Variants in TMPRSS12 observed in about 807,000 individuals in gnomAD.
TMPRSS12 encodes the protein transmembrane protease serine 12.
In TMPRSS12, 25 loss-of-function variants were observed where a neutral mutation model predicts 26.0. The ratio of observed to expected loss-of-function variants is 0.96; its 90% confidence interval spans 0.70 to 1.34. The LOEUF (loss-of-function observed/expected upper bound fraction) is 1.34, where lower values mean the gene tolerates loss of function less well. Among genes scored for constraint, TMPRSS12 ranks in the 40% most tolerant of loss-of-function variants. The pLI is 0.00. For missense variants in TMPRSS12, 441 were observed against 440.1 expected (o/e 1.00, Z -0.02); for synonymous variants, 150 against 161.7 (o/e 0.93, Z 0.55).
At chr12:50,884,554 C>T (rs546166163) in intron 3 of TMPRSS12, among the ~76,000 whole-genome samples, 27 of 152,196 alleles carry the variant, frequency 1.8e-4, no homozygotes, top group Middle Eastern at 3.4e-3. Context: ...TTGAAACCCT[C>T]GTACTTTGCT....
chr12:50,885,672 A>C, intron 4 of TMPRSS12: 1 of 581,320 alleles, frequency 1.7e-6, no homozygotes, highest in South Asian at 2.2e-5. Context: ...TTTTTTTTTT[A>C]TTTGAGATAG....
chr12:50,852,470 G>A (rs1937834979), intron 2 of TMPRSS12, among the ~76,000 whole-genome samples: 1 of 152,158 alleles, frequency 6.6e-6, no homozygotes. Flanking sequence ...GAGTGCAGTG[G>A]CACAATCTTG....
At chr12:50,876,457 G>A (rs150012998) in intron 3 of TMPRSS12, among the ~76,000 whole-genome samples, 19 of 152,210 alleles carry the variant, frequency 1.2e-4, no homozygotes, top group African/African-American at 1.2e-4. Flanking sequence ...TATGTTCATC[G>A]CAGCACTGTT....
intron 2 of TMPRSS12, among the ~76,000 whole-genome samples, chr12:50,858,174 A>G (rs1022957714): frequency 6.6e-6 from 1 of 152,140 alleles, no homozygotes; most frequent in Non-Finnish European, 1.5e-5. Context: ...ATGCTAAGTT[A>G]ATATCCAAAT....
chr12:50,866,303 G>A (rs1937990454), intron 3 of TMPRSS12, among the ~76,000 whole-genome samples: 2 of 152,174 alleles, frequency 1.3e-5, no homozygotes, highest in African/African-American at 4.8e-5. Flanking sequence ...GGCATGGTGG[G>A]AGTGAGACTG....
intron 4 of TMPRSS12, 124 bp downstream of exon 4, chr12:50,885,512 C>T (rs777559381): frequency 4.2e-6 from 5 of 1,200,412 alleles, no homozygotes; most frequent in Non-Finnish European, 6.1e-6. Context: ...ATCATTTTTT[C>T]TCCTTTTTAA....
chr12:50,854,027 G>C (rs980753548), intron 2 of TMPRSS12, among the ~76,000 whole-genome samples: 5 of 151,978 alleles, frequency 3.3e-5, no homozygotes, highest in Admixed American at 2.0e-4. Flanking sequence ...CAATCTAAAA[G>C]AAAATTTCAG....
intron 3 of TMPRSS12, among the ~76,000 whole-genome samples, chr12:50,872,771 G>GTATATAGACGTC (rs1938070331): frequency 5.4e-5 from 3 of 55,746 alleles, no homozygotes; most frequent in Admixed American, 1.6e-4. Context: ...TATATATGAC[G>GTATATAGACGTC]TATATATGTA....
At chr12:50,866,848 G>A (rs895900897) in intron 3 of TMPRSS12, among the ~76,000 whole-genome samples, 2 of 152,192 alleles carry the variant, frequency 1.3e-5, no homozygotes. Context: ...GAGCCTGGTA[G>A]ACTTGCTGGG....
chr12:50,863,448 T>C (rs1937957713), intron 3 of TMPRSS12, among the ~76,000 whole-genome samples: 1 of 152,116 alleles, frequency 6.6e-6, no homozygotes. Context: ...GAAATACAAA[T>C]GTCCACACAC....
Position 50,843,003 on chromosome 12 carries a change from G to C in TMPRSS12, c.39G>C (p.Val13=), listed in dbSNP as rs753888568. The C allele has an allele frequency of 1.2e-6, 2 of 1,604,474 alleles. No homozygotes were observed. Among genetic ancestry groups the C allele is most frequent in the African/African-American group, 2.7e-5 (2 of 74,684 alleles). ...LGLLSVALLF[V]GSSHLYSDHY... is the part of the protein sequence containing the mutation. ...TCCTGAGCGTGGCGCTGTTGTTTGT[G>C]GGGAGCTCTCACTTATACTCAGACC... The change falls in exon 1 of 5, where the codon GTG becomes GTC. Residue 13 remains valine (V), a synonymous_variant. Coordinates refer to ENST00000398458, the MANE Select transcript of TMPRSS12 (RefSeq NM_182559.3).
intron 3 of TMPRSS12, among the ~76,000 whole-genome samples, chr12:50,884,013 T>G (rs553776841): frequency 6.6e-6 from 1 of 152,200 alleles, no homozygotes; most frequent in East Asian, 1.9e-4. Flanking sequence ...AAAATAATAA[T>G]ATAAATAAAT....
chr12:50,885,161 T>C, intron 3 of TMPRSS12, 85 bp from the exon 4 acceptor site: 5 of 1,273,512 alleles, frequency 3.9e-6, no homozygotes, highest in East Asian at 2.4e-5. Flanking sequence ...TCAGTCACTT[T>C]GGAAAGAAAA....
At chr12:50,852,450 G>A (rs1221513452) in intron 2 of TMPRSS12, among the ~76,000 whole-genome samples, 5 of 152,184 alleles carry the variant, frequency 3.3e-5, no homozygotes, top group East Asian at 1.9e-4. Context: ...TTTCTCTGTC[G>A]CCCAGGCTGG....
chr12:50,850,776 C>T lies in TMPRSS12; in HGVS notation c.383+6739C>T, dbSNP rs140498851. On this transcript the variant is annotated intron_variant, in intron 2 of 4. Coordinates refer to ENST00000398458, the MANE Select transcript of TMPRSS12 (RefSeq NM_182559.3). Reference sequence around the variant, plus strand: ...ATGAACCCTGCTGCCACTGCCCGGACAAAGTGCTTTTGCCAGCATCCCTCA... The same window carrying T: ...ATGAACCCTGCTGCCACTGCCCGGATAAAGTGCTTTTGCCAGCATCCCTCA... Among the ~76,000 whole-genome samples, 446 of 152,272 alleles carry T rather than the reference C, an allele frequency of 2.9e-3. 3 individuals carry two copies. Among genetic ancestry groups the T allele is most frequent in the African/African-American group, 0.01 (418 of 41,554 alleles).
intron 3 of TMPRSS12, among the ~76,000 whole-genome samples, chr12:50,882,286 TAAAAAAAAAAAAAA>T (rs59323134): frequency 3.4e-5 from 2 of 58,506 alleles, no homozygotes; most frequent in South Asian, 8.4e-4. Flanking sequence ...CCCATCTCTC[TAAAAAAAAAAAAAA>T]AAAAAAAAAA....
intron 3 of TMPRSS12, among the ~76,000 whole-genome samples, chr12:50,878,316 C>A (rs940377383): frequency 6.6e-6 from 1 of 152,046 alleles, no homozygotes; most frequent in African/African-American, 2.4e-5. Context: ...AGTGGTGGCT[C>A]ATGCCTGTAA....
In TMPRSS12 at chr12:50,885,250, C is replaced by T. The variant is rs372309874; in HGVS notation, c.657C>T (p.Asn219=). The part of the protein sequence containing the change: ...SGWGRTKEEG[N]ATNILQDAEV... ...ACTGGTATTTTTTGTTAACAGGTAA[C>T]GCTACAAATATTTTACAAGATGCAG... The change falls in exon 4 of 5, where the codon AAC becomes AAT. Residue 219 remains asparagine (N), a synonymous_variant. Coordinates refer to ENST00000398458, the MANE Select transcript of TMPRSS12 (RefSeq NM_182559.3). 9.1e-5 allele frequency: 145 copies of T among 1,589,592 alleles called. 1 individual carries two copies. The highest frequency in any genetic ancestry group is 5.6e-4 in the South Asian group (49 of 86,746).
At chr12:50,861,477 C>T (rs1039155975) in intron 3 of TMPRSS12, among the ~76,000 whole-genome samples, 1 of 149,360 alleles carries the variant, frequency 6.7e-6, no homozygotes, top group African/African-American at 2.5e-5. Flanking sequence ...TTTAGATTCA[C>T]GGACTTAATT....
Sources: allele counts gnomAD v4.1 joint callset (sites outside exome capture counted in the v4.1 genomes callset), GRCh38; gene constraint gnomAD v4.1.1; transcripts MANE v1.5; gene names NCBI Gene and HGNC (gene_info 2026-07-23, HGNC 2026-07-21).